PIK3CB: variants seen among roughly 807,000 people sequenced by gnomAD.
The protein encoded by PIK3CB is phosphatidylinositol 4,5-bisphosphate 3-kinase catalytic subunit beta isoform.
PIK3CB carries 39 observed loss-of-function variants against 136.8 expected under a neutral mutation model. That is an observed-to-expected ratio of 0.29 (90% CI 0.22 to 0.37). The LOEUF is 0.37. Ranked by LOEUF, PIK3CB falls within the 10% of genes least tolerant of loss-of-function variation. PIK3CB has a pLI of 1.00. For missense variants in PIK3CB, 868 were observed against 1,275.4 expected, an observed-to-expected ratio of 0.68 and a Z score of 4.87; for synonymous variants, 428 against 436.6, an observed-to-expected ratio of 0.98 and a Z score of 0.25.
chr3:138,702,994 G>A (rs1361974267), intron 12 of PIK3CB, among the ~76,000 whole-genome samples: 1 of 151,994 alleles, frequency 6.6e-6, no homozygotes, highest in East Asian at 1.9e-4. Flanking sequence ...ATTAAAATTT[G>A]CACAATGTTT....
Position 138,655,385 on chromosome 3 carries a change from A to G in PIK3CB, c.*4T>C, listed in dbSNP as rs2043173270. The G allele has an allele frequency of 6.2e-7, 1 of 1,613,730 alleles. No homozygotes were observed. Among genetic ancestry groups the G allele is most frequent in the Non-Finnish European group, 8.5e-7 (1 of 1,179,906 alleles). ...ACAAATACATTAGGAGCGAAGGCTG[A>G]TCGTTAAGATCTGTAGTCTTTCCGA... On this transcript the variant is annotated 3_prime_UTR_variant, in exon 24 of 24. Transcript: ENST00000674063.
chr3:138,665,422 A>G (rs1307076808), intron 19 of PIK3CB, among the ~76,000 whole-genome samples: 1 of 152,246 alleles, frequency 6.6e-6, no homozygotes, highest in Non-Finnish European at 1.5e-5. Flanking sequence ...TGCCAATTAC[A>G]TATAAAATTT....
chr3:138,816,874 C>G (rs1290443500), intron 1 of PIK3CB, among the ~76,000 whole-genome samples: 4 of 152,044 alleles, frequency 2.6e-5, no homozygotes, highest in African/African-American at 7.2e-5. Context: ...CTTAGAGGTC[C>G]TATGTATTTC....
chr3:138,686,019 C>A (rs1204980367), intron 16 of PIK3CB, among the ~76,000 whole-genome samples: 1 of 151,894 alleles, frequency 6.6e-6, no homozygotes, highest in African/African-American at 2.4e-5. Flanking sequence ...CACCTGTAAT[C>A]CCAGCTACTC....
intron 3 of PIK3CB, among the ~76,000 whole-genome samples, chr3:138,757,402 C>CA (rs1263859164): frequency 1.4e-4 from 21 of 147,802 alleles, no homozygotes; most frequent in Non-Finnish European, 2.2e-4. Flanking sequence ...GACTCCGTCT[C>CA]AAAAAAACAA....
intron 2 of PIK3CB, among the ~76,000 whole-genome samples, chr3:138,792,347 A>AT (rs11424724): frequency 0.58 from 87,991 of 151,790 alleles, 26,313 homozygotes; most frequent in East Asian, 0.98. Context: ...AGGTATTATA[A>AT]TTTTTTTCAT....
At chr3:138,767,720 C>T (rs996502192) in intron 2 of PIK3CB, among the ~76,000 whole-genome samples, 1 of 152,198 alleles carries the variant, frequency 6.6e-6, no homozygotes, top group Admixed American at 6.5e-5. Context: ...GGTGCCAGTA[C>T]GGGCACCAGC....
chr3:138,790,706 C>T (rs1354006905), intron 2 of PIK3CB, among the ~76,000 whole-genome samples: 1 of 150,064 alleles, frequency 6.7e-6, no homozygotes, highest in Non-Finnish European at 1.5e-5. Flanking sequence ...CCCAGCTACT[C>T]GGGAGGCTGA....
Position 138,714,616 on chromosome 3 carries a change from A to C in PIK3CB, c.1154T>G (p.Leu385Arg). Residue 385 changes from leucine (L) to arginine (R), a missense_variant, in exon 9 of 24, where the codon CTG (leucine) becomes CGG (arginine). By Grantham distance (102) the Leu-to-Arg change is moderately radical. This residue lies in a region of PIK3CB where 612 missense variants were observed against 801.1 expected (regional missense o/e 0.76). Transcript: ENST00000674063. ...GTCACAAATATTAATATCAAATTCC[A>C]GTGGTTCATTCCAAATATGATCATT... ...GKNDHIWNEP[L>R]EFDINICDLP... is the part of the protein sequence containing the mutation. The C allele has an allele frequency of 6.2e-7, 1 of 1,613,420 alleles. No homozygotes were observed. Among genetic ancestry groups the C allele is most frequent in the Non-Finnish European group, 8.5e-7 (1 of 1,179,358 alleles).
At chr3:138,776,788 T>C (rs2045863906) in intron 2 of PIK3CB, among the ~76,000 whole-genome samples, 1 of 151,920 alleles carries the variant, frequency 6.6e-6, no homozygotes, top group East Asian at 1.9e-4. Context: ...CCAGGCATGA[T>C]GGCATGCACT....
chr3:138,801,598 C>CG (rs2108842171), intron 1 of PIK3CB, among the ~76,000 whole-genome samples: 1 of 151,982 alleles, frequency 6.6e-6, no homozygotes, highest in East Asian at 1.9e-4. Context: ...TAGCCAGGCG[C>CG]GGTAGCTCAC....
chr3:138,819,145 G>C (rs976998671), intron 1 of PIK3CB, among the ~76,000 whole-genome samples: 1 of 152,092 alleles, frequency 6.6e-6, no homozygotes, highest in African/African-American at 2.4e-5. Context: ...TCTGGAGATC[G>C]AGACCATCCT....
At chr3:138,828,954 AT>A (rs34176247) in intron 1 of PIK3CB, among the ~76,000 whole-genome samples, 8,514 of 130,768 alleles carry the variant, frequency 0.065, 515 homozygotes, top group African/African-American at 0.19. Context: ...CACCAGGCTA[AT>A]TTTTTTTTTT....
chr3:138,734,218 T>A (rs927249468), intron 7 of PIK3CB, among the ~76,000 whole-genome samples: 3 of 152,194 alleles, frequency 2.0e-5, no homozygotes, highest in Non-Finnish European at 4.4e-5. Context: ...ACTAAAAGAA[T>A]TCAGTATTAA....
chr3:138,716,579 A>G (rs1176529611), intron 8 of PIK3CB, among the ~76,000 whole-genome samples: 5 of 152,128 alleles, frequency 3.3e-5, no homozygotes, highest in Non-Finnish European at 5.9e-5. Context: ...ATACCATCAA[A>G]ATACTATACT....
intron 1 of PIK3CB, chr3:138,825,943 A>T (rs553050148): frequency 4.5e-6 from 7 of 1,557,928 alleles, no homozygotes; most frequent in African/African-American, 2.7e-5. Context: ...ATGACCCACC[A>T]ATGGAAGCAG....
intron 12 of PIK3CB, among the ~76,000 whole-genome samples, chr3:138,704,042 G>A (rs2108547811): frequency 6.6e-6 from 1 of 152,244 alleles, no homozygotes; most frequent in African/African-American, 2.4e-5. Context: ...TGTTAAATAT[G>A]GCAGAGCACT....
At chr3:138,786,418 C>T (rs547470424) in intron 2 of PIK3CB, among the ~76,000 whole-genome samples, 10 of 151,960 alleles carry the variant, frequency 6.6e-5, no homozygotes, top group Middle Eastern at 3.4e-3. Context: ...TATAATGACG[C>T]GATCTTGGCT....
intron 4 of PIK3CB, among the ~76,000 whole-genome samples, chr3:138,753,736 G>T (rs1559862989): frequency 6.6e-6 from 1 of 151,914 alleles, no homozygotes; most frequent in Non-Finnish European, 1.5e-5. Flanking sequence ...AGCCTGGGAG[G>T]TTGAGGCTGC....
Sources: gnomAD v4.1 joint callset for allele counts (sites outside exome capture counted in the v4.1 genomes callset) on GRCh38, gnomAD v4.1.1 for gene constraint, gnomAD v4.1.1 regional missense constraint, MANE v1.5 for transcripts, NCBI Gene and HGNC (gene_info 2026-07-23, HGNC 2026-07-21) for gene names.